The following MAP3K3 variants were observed in gnomAD, a reference collection of about 807,000 sequenced individuals.
MAP3K3 encodes mitogen-activated protein kinase kinase kinase 3, also known as MAP/ERK kinase kinase 3.
A neutral mutation model predicts 80.9 loss-of-function variants in MAP3K3; 12 were observed. The observed-to-expected ratio is 0.15, with a 90% CI of 0.10 to 0.24. The LOEUF (loss-of-function observed/expected upper bound fraction) is 0.24. MAP3K3 is among the 10% of genes least tolerant of loss of function. MAP3K3 has a pLI of 1.00. For synonymous variants in MAP3K3, 272 were observed against 307.1 expected (o/e 0.89, Z 1.19); for missense variants, 596 against 834.7 (o/e 0.71, Z 3.52).
chr17:63,654,934 C>T (rs1347921646), intron 4 of MAP3K3, among the ~76,000 whole-genome samples: 1 of 151,854 alleles, frequency 6.6e-6, no homozygotes, highest in African/African-American at 2.4e-5. Flanking sequence ...TACTCAGGAG[C>T]CTGAGGCAGA....
chr17:63,669,181 T>C (rs2035055079), intron 6 of MAP3K3, among the ~76,000 whole-genome samples: 1 of 152,064 alleles, frequency 6.6e-6, no homozygotes, highest in African/African-American at 2.4e-5. Flanking sequence ...ATCTGGAAAA[T>C]GCATTCTGAG....
At chr17:63,650,658 T>TAGAGAGAGAGAGAGAGAGAGAGAG (rs61412799) in intron 3 of MAP3K3, among the ~76,000 whole-genome samples, 177 of 117,264 alleles carry the variant, frequency 1.5e-3, no homozygotes, top group African/African-American at 5.7e-3. Flanking sequence ...CTGTCTCTTA[T>TAGAGAGAGAGAGAGAGAGAGAGAG]AGAGAGAGAG....
Position 63,625,410 on chromosome 17 carries a change from C to T in MAP3K3, c.4+2647C>T, listed in dbSNP as rs1399973869. Among the ~76,000 whole-genome samples, 4 of 151,940 alleles carry T rather than the reference C, an allele frequency of 2.6e-5. No individual in the cohort carries two copies. In the East Asian group the frequency reaches 7.7e-4, roughly 29 times the overall value. The stretch of plus-strand genomic sequence containing the variant: ...ATAGTGGCAAATGCTGTTCATAATA[C>T]CTGAGATTGTTTATGTGGTCTTTTT... On this transcript the variant is annotated intron_variant, in intron 1 of 15. Transcript: ENST00000361733.
chr17:63,658,156 T>G (rs891905673), intron 5 of MAP3K3, among the ~76,000 whole-genome samples: 9 of 152,248 alleles, frequency 5.9e-5, no homozygotes, highest in African/African-American at 1.7e-4. Flanking sequence ...AGGAAAATAC[T>G]TTATGATAAA....
chr17:63,689,918 TCTC>T lies in MAP3K3; in HGVS notation c.1063+187_1063+189del, dbSNP rs1396819627. The T allele has an allele frequency of 5.9e-5, 36 of 610,442 alleles. No homozygotes were observed. The highest frequency in any genetic ancestry group is 8.8e-5 in the Non-Finnish European group (31 of 353,478). The allele number at this position is 610,442 out of a possible 1,614,324, so 37.8% of individuals were successfully genotyped here. ...CTCCACTATTGTGTGACAAGCCTCT[TCTC>T]CTCTCTGATCTTTAGTTTTTCCATG... On this transcript the variant is annotated intron_variant, in intron 11 of 15. Transcript: ENST00000361733. This position sits in a 1 kb window ranked among gnomAD's most constrained non-coding sequence, Gnocchi z 4.3.
chr17:63,651,909 T>C lies in MAP3K3; in HGVS notation c.168-648T>C, dbSNP rs187165928. On this transcript the variant is annotated intron_variant, in intron 3 of 15. Transcript: ENST00000361733. ...GGAGATTCTTATGGCATCTCAAAGA[T>C]GAACGATGGAAAAGACCTTTCAAGT... Among the ~76,000 whole-genome samples, 257 of 152,318 alleles carry C rather than the reference T, an allele frequency of 1.7e-3. 1 individual carries two copies. The highest frequency in any genetic ancestry group is 5.6e-3 in the African/African-American group (233 of 41,576).
intron 5 of MAP3K3, among the ~76,000 whole-genome samples, chr17:63,661,120 C>T (rs866813478): frequency 6.6e-6 from 1 of 152,138 alleles, no homozygotes; most frequent in Non-Finnish European, 1.5e-5. Context: ...GATCTCAGCT[C>T]ATTGCAACCT....
At chr17:63,670,866 G>T (rs2035093358) in intron 6 of MAP3K3, among the ~76,000 whole-genome samples, 1 of 152,162 alleles carries the variant, frequency 6.6e-6, no homozygotes, top group Admixed American at 6.6e-5. Context: ...AAGCTGGGGA[G>T]GGAGGCAGAG....
intron 3 of MAP3K3, among the ~76,000 whole-genome samples, chr17:63,646,599 G>T (rs2034545649): frequency 6.6e-6 from 1 of 152,184 alleles, no homozygotes; most frequent in Admixed American, 6.5e-5. Context: ...TGAGGACATA[G>T]AAAGAGGGAG....
intron 6 of MAP3K3, among the ~76,000 whole-genome samples, chr17:63,669,384 T>C (rs1222545334): frequency 6.6e-6 from 1 of 152,160 alleles, no homozygotes; most frequent in Admixed American, 6.5e-5. Context: ...GACTCTCAGC[T>C]GCACTCAGAC....
At chr17:63,623,366 A>C (rs1311654171) in intron 1 of MAP3K3, among the ~76,000 whole-genome samples, 2 of 152,208 alleles carry the variant, frequency 1.3e-5, no homozygotes, top group Admixed American at 1.3e-4. Context: ...TGCGTGCTGC[A>C]CGCAGATTGC....
chr17:63,691,283 C>G lies in MAP3K3; in HGVS notation c.1344+50C>G. 6.2e-7 allele frequency: 1 copy of G among 1,611,148 alleles called. No homozygotes were observed. On this transcript the variant is annotated intron_variant, in intron 13 of 15. Transcript: ENST00000361733. This position sits in a 1 kb window ranked among gnomAD's most constrained non-coding sequence, Gnocchi z 4.8. Reference sequence around the variant, plus strand: ...AGACACACACAAAAGAGGGCCTGACCTGGGGGCTGGGGCCTGCAGGAGGGG... The same window carrying G: ...AGACACACACAAAAGAGGGCCTGACGTGGGGGCTGGGGCCTGCAGGAGGGG...
chr17:63,650,338 G>T lies in MAP3K3; in HGVS notation c.168-2219G>T, dbSNP rs550961122. 7.2e-5 allele frequency among the ~76,000 whole-genome samples: 11 copies of T among 152,218 alleles called. No individual in the cohort carries two copies. In the East Asian group the frequency reaches 1.9e-3, roughly 27 times the overall value. ...TTTTTGAGACAGAGTCTCTTGCTCT[G>T]TTGCCCAGGCTGGAGTGCAGTGGTG... On this transcript the variant is annotated intron_variant, in intron 3 of 15. Coordinates refer to ENST00000361733, the MANE Select transcript of MAP3K3 (RefSeq NM_002401.5).
intron 4 of MAP3K3, 72 bp downstream of exon 4, chr17:63,652,728 G>C: frequency 9.9e-7 from 1 of 1,006,634 alleles, no homozygotes; most frequent in Non-Finnish European, 1.5e-6. Context: ...GTTTACCAGA[G>C]CCTTTAAAGT....
chr17:63,692,782 T>A lies in MAP3K3; in HGVS notation c.1652+363T>A, dbSNP rs2035619432. ...TTTGCACTTGCTCGACATAACCTTG[T>A]GTCTATCCTCTGAAATGGCCCCTAA... On this transcript the variant is annotated intron_variant, in intron 15 of 15. Coordinates refer to ENST00000361733, the MANE Select transcript of MAP3K3 (RefSeq NM_002401.5). This position sits in a 1 kb window ranked among gnomAD's most constrained non-coding sequence, Gnocchi z 4.5. Among the ~76,000 whole-genome samples the A allele has an allele frequency of 6.6e-6, 1 of 152,230 alleles. No homozygotes were observed. Among genetic ancestry groups the A allele is most frequent in the African/African-American group, 2.4e-5 (1 of 41,462 alleles).
At chr17:63,650,530 G>T (rs546176711) in intron 3 of MAP3K3, among the ~76,000 whole-genome samples, 21 of 151,910 alleles carry the variant, frequency 1.4e-4, no homozygotes, top group Admixed American at 1.3e-3. Flanking sequence ...CTTGAACTCC[G>T]GACCTCAGGT....
intron 3 of MAP3K3, among the ~76,000 whole-genome samples, chr17:63,651,162 C>T (rs1461902730): frequency 6.6e-6 from 1 of 152,088 alleles, no homozygotes; most frequent in East Asian, 1.9e-4. Flanking sequence ...TCAGTAGTCT[C>T]ATATAGTTCA....
At chr17:63,688,635 G>T in intron 9 of MAP3K3, 41 bp downstream of exon 9, 1 of 1,583,862 alleles carries the variant, frequency 6.3e-7, no homozygotes, top group Non-Finnish European at 8.7e-7. Flanking sequence ...CAGGGTGTCT[G>T]GGTGGGGCCT....
intron 6 of MAP3K3, among the ~76,000 whole-genome samples, chr17:63,671,187 G>T (rs1312299824): frequency 6.6e-6 from 1 of 152,056 alleles, no homozygotes; most frequent in Non-Finnish European, 1.5e-5. Context: ...CGTTTTGGTG[G>T]TTCTCAAAGT....
Sources: gnomAD v4.1 joint callset for allele counts (sites outside exome capture counted in the v4.1 genomes callset) on GRCh38, gnomAD v4.1.1 for gene constraint, Gnocchi (gnomAD v3.1) non-coding constraint, MANE v1.5 for transcripts, NCBI Gene and HGNC (gene_info 2026-07-23, HGNC 2026-07-21) for gene names.